Variants in ZNF775 observed in about 807,000 individuals in gnomAD.
ZNF775 encodes zinc finger protein 775.
In ZNF775, 1 loss-of-function variant was observed where a neutral mutation model predicts 2.4. That is an observed-to-expected ratio of 0.41 (90% confidence interval 0.15 to 1.94). The LOEUF is 1.94. ZNF775 is among the 30% of genes most tolerant of loss of function. ZNF775 has a pLI of 0.30. For missense variants in ZNF775, 823 were observed against 826.6 expected (o/e 1.00, Z 0.05); for synonymous variants, 381 against 373.3 (o/e 1.02, Z -0.24).
chr7:150,385,168 G>T (rs1014153674), intron 1 of ZNF775, among the ~76,000 whole-genome samples: 1 of 152,114 alleles, frequency 6.6e-6, no homozygotes, highest in African/African-American at 2.4e-5. Context: ...CCCACCAGGG[G>T]CTCCTCCCGC....
At position 150,397,536 on chromosome 7, in the gene ZNF775, T is replaced by A; in HGVS notation, c.1055T>A (p.Leu352Gln). Residue 352 changes from leucine to glutamine, a missense_variant, in exon 3 of 3, where the codon CTG becomes CAG. Coordinates refer to ENST00000329630, the MANE Select transcript of ZNF775 (RefSeq NM_173680.4). ...CGRGFRQKQH[L>Q]LKHLRTHLPG... is the part of the protein sequence containing the mutation. ...CGCGGCTTCCGCCAGAAGCAGCACC[T>A]GCTCAAGCACCTGCGCACGCACCTG... The A allele has an allele frequency of 1.9e-6, 3 of 1,556,568 alleles. No homozygotes were observed. The highest frequency in any genetic ancestry group is 3.3e-4 in the Middle Eastern group (2 of 5,982).
rs60274611 is a variant in ZNF775, at chr7:150,388,531, G to A, written c.31+30G>A. ...GAGAGAAGAAAGAGGAGGCAGGGGA[G>A]CGGGGTCTCCTCTGCTGAGGTCACG... On this transcript the variant is annotated intron_variant, in intron 2 of 2. Coordinates refer to ENST00000329630, the MANE Select transcript of ZNF775 (RefSeq NM_173680.4). 155 of 1,551,720 alleles carry A rather than the reference G, an allele frequency of 1.0e-4. No individual in the cohort carries two copies. The East Asian group carries it at 3.7e-3, about 37-fold the overall frequency.
intron 1 of ZNF775, among the ~76,000 whole-genome samples, chr7:150,387,588 CGGATCATGAGGTCAGGAGAT>C (rs1563257574): frequency 6.6e-6 from 1 of 152,030 alleles, no homozygotes; most frequent in African/African-American, 2.4e-5. Context: ...CTGAGGCGGG[CGGATCATGAGGTCAGGAGAT>C]GGAGACCATC....
At chr7:150,396,203 G>A (rs1800647450) in intron 2 of ZNF775, among the ~76,000 whole-genome samples, 1 of 152,066 alleles carries the variant, frequency 6.6e-6, no homozygotes, top group South Asian at 2.1e-4. Flanking sequence ...CCGGTGCCTC[G>A]GGGATCCTGA....
chr7:150,388,525 A>G, intron 2 of ZNF775, 24 bp downstream of exon 2: 1 of 1,551,760 alleles, frequency 6.4e-7, no homozygotes. Flanking sequence ...AAGAGGAGGC[A>G]GGGGAGCGGG....
At chr7:150,393,021 C>A (rs1271195468) in intron 2 of ZNF775, among the ~76,000 whole-genome samples, 1 of 152,132 alleles carries the variant, frequency 6.6e-6, no homozygotes, top group East Asian at 1.9e-4. Context: ...CATTAGGGTT[C>A]TCTTTTGGTC....
At chr7:150,393,265 CT>C (rs1218988365) in intron 2 of ZNF775, among the ~76,000 whole-genome samples, 1 of 152,150 alleles carries the variant, frequency 6.6e-6, no homozygotes, top group Non-Finnish European at 1.5e-5. Flanking sequence ...CGTCTTTCAC[CT>C]AGAAGTTTGC....
chr7:150,390,656 A>G (rs2129621092), intron 2 of ZNF775, among the ~76,000 whole-genome samples: 1 of 152,296 alleles, frequency 6.6e-6, no homozygotes, highest in Middle Eastern at 3.4e-3. Context: ...TTTTTACTTG[A>G]TGCATAGTAT....
rs1317799204 is a variant in ZNF775 at position 150,384,344 on chromosome 7, G to A, written c.-49-4078G>A. The stretch of plus-strand genomic sequence containing the variant: ...GCCCTTGATGCCTGTCTTCCAGCCG[G>A]GGCGCTTTGCTGGGCAGCCTGCTCA... On this transcript the variant is annotated intron_variant, in intron 1 of 2. Transcript: ENST00000329630. The surrounding 1 kb of genome is among the most constrained non-coding windows in gnomAD (Gnocchi z 4.1). Among the ~76,000 whole-genome samples the A allele has an allele frequency of 6.6e-6, 1 of 152,248 alleles. No homozygotes were observed. The highest frequency in any genetic ancestry group is 1.5e-5 in the Non-Finnish European group (1 of 68,040).
At chr7:150,395,265 C>G (rs28587950) in intron 2 of ZNF775, among the ~76,000 whole-genome samples, 1 of 152,076 alleles carries the variant, frequency 6.6e-6, no homozygotes, top group African/African-American at 2.4e-5. Flanking sequence ...ATCCTTTTTG[C>G]GGCTACATGT....
intron 1 of ZNF775, among the ~76,000 whole-genome samples, chr7:150,385,156 G>T (rs1001278147): frequency 2.6e-5 from 4 of 152,086 alleles, no homozygotes; most frequent in Non-Finnish European, 5.9e-5. Flanking sequence ...ACCCATCAGA[G>T]CCCCACCAGG....
At chr7:150,395,222 T>C (rs1027308472) in intron 2 of ZNF775, among the ~76,000 whole-genome samples, 1 of 152,260 alleles carries the variant, frequency 6.6e-6, no homozygotes, top group Non-Finnish European at 1.5e-5. Context: ...TTCAAATTTA[T>C]TTATATAAAG....
Position 150,398,622 on chromosome 7 carries a change from T to C in ZNF775, c.*527T>C, listed in dbSNP as rs1188560843. 3 of 155,906 alleles carry C rather than the reference T, an allele frequency of 1.9e-5. No individual in the cohort carries two copies. The highest frequency in any genetic ancestry group is 4.2e-5 in the Non-Finnish European group (3 of 70,734). 9.7% of individuals were successfully genotyped at this position (155,906 alleles called of 1,614,324 possible). A position where few individuals can be genotyped will look rare whatever the true frequency, so the allele number is the denominator to read the frequency against. ...CGTCGTAGACATCCAATAAATATTT[T>C]TGGAAGGAGTGAATGGTTTGATGTC... On this transcript the variant is annotated 3_prime_UTR_variant, in exon 3 of 3. Coordinates refer to ENST00000329630, the MANE Select transcript of ZNF775 (RefSeq NM_173680.4).
At chr7:150,389,292 C>T (rs914622383) in intron 2 of ZNF775, among the ~76,000 whole-genome samples, 4 of 152,252 alleles carry the variant, frequency 2.6e-5, no homozygotes, top group Non-Finnish European at 2.9e-5. Flanking sequence ...CCCCAGGGCC[C>T]CTTCCTCATT....
rs1361713593 is a variant in ZNF775 at position 150,388,496 on chromosome 7, G to T, written c.26G>T (p.Gly9Val). MESGLAGN[G>V]TGAGLVMKVK... is the part of the protein sequence containing the mutation. The stretch of plus-strand genomic sequence containing the variant: ...ATGGAGAGTGGCCTGGCTGGCAACG[G>T]CACAGGTAAGAGAGAAGAAAGAGGA... The change falls in exon 2 of 3, where the codon GGC (glycine) becomes GTC (valine). Residue 9 changes from glycine to valine, a missense_variant. By Grantham distance (109) the Gly-to-Val change is moderately radical. Transcript: ENST00000329630. The T allele has an allele frequency of 2.6e-6, 4 of 1,551,722 alleles. No individual in the cohort carries two copies. The Admixed American group carries it at 7.8e-5, about 30-fold the overall frequency.
In ZNF775 at chr7:150,398,251, C is replaced by A; in HGVS notation, c.*156C>A. The A allele has an allele frequency of 8.1e-7, 1 of 1,234,130 alleles. No individual in the cohort carries two copies. Among genetic ancestry groups the A allele is most frequent in the Non-Finnish European group, 1.1e-6 (1 of 922,618 alleles). 76.4% of individuals were successfully genotyped at this position (1,234,130 alleles called of 1,614,324 possible). ...GAAGGGCTGAGAACAGTTCTAGAAG[C>A]GTCCCAAAGGGTGCTGGGAAAGGTC... is the stretch of plus-strand genomic sequence containing the variant. On this transcript the variant is annotated 3_prime_UTR_variant, in exon 3 of 3. Transcript: ENST00000329630.
rs1800670581 is a variant in ZNF775 at position 150,396,932 on chromosome 7, G to C, written c.451G>C (p.Ala151Pro). The stretch of plus-strand genomic sequence containing the variant: ...GAGCTTCAGCCAGAAGCCGAACCTG[G>C]CGCGCCACCAGCGGCACCACACGGG... Reference protein sequence around the residue: ...GKSFSQKPNLARHQRHHTGER... With the variant: ...GKSFSQKPNLPRHQRHHTGER... The change falls in exon 3 of 3, where the codon GCG becomes CCG. Residue 151 changes from alanine to proline, a missense_variant. Transcript: ENST00000329630. The C allele has an allele frequency of 3.7e-6, 6 of 1,601,298 alleles. No homozygotes were observed. The highest frequency in any genetic ancestry group is 5.1e-6 in the Non-Finnish European group (6 of 1,179,538).
rs571190697 is a variant in ZNF775 at position 150,390,347 on chromosome 7, G to A, written c.31+1846G>A. On this transcript the variant is annotated intron_variant, in intron 2 of 2. Transcript: ENST00000329630. ...TGCGTCCGCCAGGGGCCCTTCGGCA[G>A]GTGGATGTGACAGCACTGTCCTGGC... 2.0e-5 allele frequency among the ~76,000 whole-genome samples: 3 copies of A among 152,260 alleles called. No homozygotes were observed. The East Asian group carries it at 5.8e-4, about 29-fold the overall frequency.
chr7:150,379,484 C>T (rs1165258475), intron 1 of ZNF775, 92 bp downstream of exon 1: 2 of 152,154 alleles, frequency 1.3e-5, no homozygotes, highest in Non-Finnish European at 2.9e-5. Context: ...CGGCCCCGCT[C>T]CTCCCGTGCT....
Sources: gnomAD v4.1 joint callset for allele counts (sites outside exome capture counted in the v4.1 genomes callset) on GRCh38, gnomAD v4.1.1 for gene constraint, Gnocchi (gnomAD v3.1) non-coding constraint, MANE v1.5 for transcripts, NCBI Gene and HGNC (gene_info 2026-07-23, HGNC 2026-07-21) for gene names.